PIP5K1A: variants seen among roughly 807,000 people sequenced by gnomAD.
The protein encoded by PIP5K1A is phosphatidylinositol-4-phosphate 5-kinase type 1 alpha, also known as phosphatidylinositol 4-phosphate 5-kinase type-1 alpha.
Under a neutral mutation model 72.9 loss-of-function variants are expected in PIP5K1A, and 46 were observed. The observed-to-expected ratio is 0.63, with a 90% confidence interval of 0.50 to 0.81. The LOEUF is 0.81. Ranked by LOEUF, PIP5K1A falls within the 30% of genes least tolerant of loss-of-function variation. The pLI, the probability that PIP5K1A is intolerant of heterozygous loss-of-function variation, is 0.00. For synonymous variants in PIP5K1A, 228 were observed against 255.1 expected, an observed-to-expected ratio of 0.89 and a Z score of 1.01; for missense variants, 458 against 706.1, an observed-to-expected ratio of 0.65 and a Z score of 3.98.
intron 1 of PIP5K1A, among the ~76,000 whole-genome samples, chr1:151,200,812 GTATT>G (rs36040796): frequency 0.013 from 1,981 of 149,436 alleles, 39 homozygotes; most frequent in Admixed American, 0.05. Flanking sequence ...AAGTGACAGG[GTATT>G]TATTTATTTA....
intron 3 of PIP5K1A, among the ~76,000 whole-genome samples, chr1:151,225,054 G>A (rs891268286): frequency 6.6e-6 from 1 of 152,340 alleles, no homozygotes; most frequent in East Asian, 1.9e-4. Flanking sequence ...GGGACATCCA[G>A]CCAGTCACGG....
rs587742620 is a variant in PIP5K1A at position 151,248,504 on chromosome 1, G to C, written c.*639G>C. On this transcript the variant is annotated 3_prime_UTR_variant, in exon 16 of 16. Coordinates refer to ENST00000368888, the MANE Select transcript of PIP5K1A (RefSeq NM_001135638.2). Reference sequence around the variant, plus strand: ...GCCTATTCGTAGAGTTCCCTCAGAAGAGCCATGGTGTTTATGAAGAGAAGA... The same window carrying C: ...GCCTATTCGTAGAGTTCCCTCAGAACAGCCATGGTGTTTATGAAGAGAAGA... 6.6e-6 allele frequency: 1 copy of C among 152,370 alleles called. No individual in the cohort carries two copies. The highest frequency in any genetic ancestry group is 1.5e-5 in the Non-Finnish European group (1 of 68,058). The allele number at this position is 152,370 out of a possible 1,614,324, so 9.4% of individuals were successfully genotyped here. A position where few individuals can be genotyped will look rare whatever the true frequency, so the allele number is the denominator to read the frequency against.
chr1:151,247,162 CTG>C (rs926895597), intron 15 of PIP5K1A, among the ~76,000 whole-genome samples, 197 bp downstream of exon 15: 33 of 152,192 alleles, frequency 2.2e-4, no homozygotes, highest in African/African-American at 7.7e-4. Context: ...GCGTCTCACT[CTG>C]TTGCCCAGGC....
intron 1 of PIP5K1A, among the ~76,000 whole-genome samples, chr1:151,209,093 G>A (rs587659438): frequency 1.3e-5 from 2 of 151,856 alleles, no homozygotes; most frequent in South Asian, 4.1e-4. Flanking sequence ...TTCTCAGGAG[G>A]CAGGTTGACA....
intron 1 of PIP5K1A, among the ~76,000 whole-genome samples, chr1:151,219,532 TA>T (rs949698377): frequency 2.8e-4 from 38 of 133,842 alleles, no homozygotes; most frequent in South Asian, 1.4e-3. Context: ...ACAAAAAATT[TA>T]AAAAAAAAAA....
At chr1:151,207,824 C>A (rs973190562) in intron 1 of PIP5K1A, among the ~76,000 whole-genome samples, 1 of 151,546 alleles carries the variant, frequency 6.6e-6, no homozygotes, top group Non-Finnish European at 1.5e-5. Context: ...TGAGGCACCA[C>A]ACCTGGCCAT....
intron 1 of PIP5K1A, among the ~76,000 whole-genome samples, chr1:151,201,822 A>G (rs1339631407): frequency 6.6e-6 from 1 of 152,028 alleles, no homozygotes; most frequent in African/African-American, 2.4e-5. Context: ...AGATCACACC[A>G]CTGCACTCCA....
At chr1:151,200,812 G>GTATTTATTTATTTATTTATT (rs36040796) in intron 1 of PIP5K1A, among the ~76,000 whole-genome samples, 1 of 149,344 alleles carries the variant, frequency 6.7e-6, no homozygotes, top group African/African-American at 2.5e-5. Flanking sequence ...AAGTGACAGG[G>GTATTTATTTATTTATTTATT]TATTTATTTA....
In PIP5K1A at chr1:151,204,932, C is replaced by G. The variant is rs994019237; in HGVS notation, c.85+5851C>G. On this transcript the variant is annotated intron_variant, in intron 1 of 15. Coordinates refer to ENST00000368888, the MANE Select transcript of PIP5K1A (RefSeq NM_001135638.2). ...TTGAATATCAAAATAGTACGTTTTG[C>G]TTATTAATGTCTGTGGGCTTTTTTA... is the stretch of plus-strand genomic sequence containing the variant. Among the ~76,000 whole-genome samples, 14 of 152,174 alleles carry G rather than the reference C, an allele frequency of 9.2e-5. 1 individual carries two copies. The highest frequency in any genetic ancestry group is 3.1e-4 in the African/African-American group (13 of 41,442).
upstream of PIP5K1A, among the ~76,000 whole-genome samples, chr1:151,196,550 ATTTTTT>A (rs5777766): frequency 8.7e-6 from 1 of 114,766 alleles, no homozygotes; most frequent in Non-Finnish European, 1.7e-5. Context: ...ATGCATGGGG[ATTTTTT>A]TTTTTTTTTT....
intron 5 of PIP5K1A, 23 bp downstream of exon 5, chr1:151,231,824 G>C: frequency 6.2e-7 from 1 of 1,611,856 alleles, no homozygotes; most frequent in Non-Finnish European, 8.5e-7. Context: ...ATGTTCAGGA[G>C]CATGTCCTGG....
chr1:151,244,574 C>T lies in PIP5K1A; in HGVS notation c.1640+2007C>T, dbSNP rs587771297. On this transcript the variant is annotated intron_variant, in intron 14 of 15. Transcript: ENST00000368888. ...AGGAGGCTGAGGCAGGAGGATCGCTCGAACCCCGGAGGCAGTGGTTGCAGT... is the reference window on the plus strand; with the variant it reads ...AGGAGGCTGAGGCAGGAGGATCGCTTGAACCCCGGAGGCAGTGGTTGCAGT... Among the ~76,000 whole-genome samples, 7 of 152,192 alleles carry T rather than the reference C, an allele frequency of 4.6e-5. No individual in the cohort carries two copies. The South Asian group carries it at 8.3e-4, about 18-fold the overall frequency.
intron 1 of PIP5K1A, among the ~76,000 whole-genome samples, chr1:151,206,340 T>C (rs1393515862): frequency 1.3e-5 from 2 of 152,118 alleles, no homozygotes; most frequent in African/African-American, 4.8e-5. Context: ...GTAGGTCTGT[T>C]GTAGGGAGTT....
intron 1 of PIP5K1A, 42 bp downstream of exon 1, chr1:151,199,123 T>A (rs777513012): frequency 6.2e-7 from 1 of 1,613,450 alleles, no homozygotes; most frequent in Admixed American, 1.7e-5. Flanking sequence ...GTGAGGAATA[T>A]GCGATGGGAG....
chr1:151,215,435 A>T (rs587646544), intron 1 of PIP5K1A, among the ~76,000 whole-genome samples: 76 of 151,630 alleles, frequency 5.0e-4, no homozygotes, highest in African/African-American at 1.8e-3. Flanking sequence ...GGTTCAAGCG[A>T]TTCTCCTGCC....
intron 4 of PIP5K1A, 67 bp downstream of exon 4, chr1:151,227,467 T>A: frequency 1.0e-6 from 1 of 978,500 alleles, no homozygotes; most frequent in Non-Finnish European, 1.6e-6. Context: ...GAACTCAGTC[T>A]CCTTGAAATT....
chr1:151,237,845 G>C (rs78213866), intron 9 of PIP5K1A, among the ~76,000 whole-genome samples: 1 of 147,526 alleles, frequency 6.8e-6, no homozygotes, highest in South Asian at 2.1e-4. Context: ...AAGTACTGAA[G>C]AAGTTGAGTT....
Position 151,236,614 on chromosome 1 carries a change from A to C in PIP5K1A, c.996A>C (p.Ile332=), listed in dbSNP as rs752285255. The C allele has an allele frequency of 1.9e-6, 3 of 1,613,108 alleles. No individual in the cohort carries two copies. The part of the protein sequence containing the change: ...DYSLLMSIHN[I]DHAQREPLSS... ...GCCTCTTGATGTCAATCCATAATAT[A>C]GATCATGCACAACGAGAGCCCTTAA... is the stretch of plus-strand genomic sequence containing the variant. Residue 332 remains isoleucine, a synonymous_variant, in exon 9 of 16, where the codon ATA becomes ATC. Transcript: ENST00000368888.
At chr1:151,228,221 A>C (rs1286594678) in intron 4 of PIP5K1A, among the ~76,000 whole-genome samples, 1 of 151,902 alleles carries the variant, frequency 6.6e-6, no homozygotes, top group African/African-American at 2.4e-5. Context: ...CGGTAGCAGG[A>C]GGCTATTGTA....
Sources: allele counts gnomAD v4.1 joint callset (sites outside exome capture counted in the v4.1 genomes callset), GRCh38; gene constraint gnomAD v4.1.1; transcripts MANE v1.5; gene names NCBI Gene and HGNC (gene_info 2026-07-23, HGNC 2026-07-21).